The following CNTNAP2 variants were observed in gnomAD, a reference collection of about 807,000 sequenced individuals.
The protein encoded by CNTNAP2 is contactin-associated protein-like 2.
In CNTNAP2, 98 loss-of-function variants were observed where a neutral mutation model predicts 155.2. The ratio of observed to expected loss-of-function variants is 0.63; its 90% confidence interval spans 0.54 to 0.75. CNTNAP2 has a LOEUF of 0.75. Among genes scored for constraint, CNTNAP2 ranks in the 30% least tolerant of loss-of-function variants. CNTNAP2 has a pLI of 0.00. For synonymous variants in CNTNAP2, 651 were observed against 631.2 expected, an observed-to-expected ratio of 1.03 and a Z score of -0.47; for missense variants, 1,727 against 1,688.1, an observed-to-expected ratio of 1.02 and a Z score of -0.40.
At chr7:146,756,362 G>A (rs1459555856) in intron 1 of CNTNAP2, among the ~76,000 whole-genome samples, 1 of 151,878 alleles carries the variant, frequency 6.6e-6, no homozygotes, top group African/African-American at 2.4e-5. Flanking sequence ...CTCTCCATTA[G>A]CATAGTGGTA....
chr7:147,865,851 G>A (rs1327554194), intron 13 of CNTNAP2, among the ~76,000 whole-genome samples: 5 of 152,096 alleles, frequency 3.3e-5, no homozygotes, highest in South Asian at 2.1e-4. Context: ...TATCAATTTT[G>A]TTGATCTTTT....
intron 3 of CNTNAP2, among the ~76,000 whole-genome samples, chr7:146,899,639 C>T (rs1795951963): frequency 1.3e-5 from 2 of 152,110 alleles, no homozygotes; most frequent in Admixed American, 1.3e-4. Flanking sequence ...CTGCTCAAAC[C>T]AATTCCAGAT....
In CNTNAP2 at chr7:146,474,024, G is replaced by A. The variant is rs544513470; in HGVS notation, c.98-300247G>A. Among the ~76,000 whole-genome samples, 10 of 152,212 alleles carry A rather than the reference G, an allele frequency of 6.6e-5. No individual in the cohort carries two copies. In the South Asian group the frequency reaches 2.1e-3, roughly 32 times the overall value. On this transcript the variant is annotated intron_variant, in intron 1 of 23. Coordinates refer to ENST00000361727, the MANE Select transcript of CNTNAP2 (RefSeq NM_014141.6). ...GGATGGCCGAGGTCATTTTAATGTA[G>A]TTGGCTAGTAAAACCCTCTCTACTC...
intron 3 of CNTNAP2, among the ~76,000 whole-genome samples, chr7:146,899,490 C>T (rs1795948799): frequency 7.4e-6 from 1 of 134,774 alleles, no homozygotes; most frequent in Non-Finnish European, 1.7e-5. Context: ...CTTTCACTTT[C>T]CCTGCATGCA....
chr7:148,136,583 C>A (rs560413589), intron 16 of CNTNAP2, among the ~76,000 whole-genome samples: 2 of 152,268 alleles, frequency 1.3e-5, no homozygotes, highest in African/African-American at 4.8e-5. Context: ...CTAAGTATTT[C>A]TTTATAGCAA....
chr7:148,300,406 C>T (rs1162037784), intron 21 of CNTNAP2, among the ~76,000 whole-genome samples: 3 of 152,054 alleles, frequency 2.0e-5, no homozygotes, highest in Non-Finnish European at 4.4e-5. Context: ...ATGTTGATTG[C>T]ATTTGGAGAG....
At chr7:146,755,840 A>G (rs960900926) in intron 1 of CNTNAP2, among the ~76,000 whole-genome samples, 13 of 151,994 alleles carry the variant, frequency 8.6e-5, no homozygotes, top group African/African-American at 2.7e-4. Context: ...ACTGGAGAAG[A>G]AACTCTTGTC....
At chr7:147,058,601 G>GTTTTGT (rs1799606331) in intron 4 of CNTNAP2, among the ~76,000 whole-genome samples, 1 of 145,636 alleles carries the variant, frequency 6.9e-6, no homozygotes, top group African/African-American at 2.4e-5. Context: ...TTGTTCGTTT[G>GTTTTGT]TTTTGTTTTT....
chr7:147,476,073 C>T (rs189089883), intron 10 of CNTNAP2, among the ~76,000 whole-genome samples: 23 of 151,828 alleles, frequency 1.5e-4, no homozygotes, highest in African/African-American at 3.4e-4. Context: ...ATAATATCCC[C>T]GCCTCTGTTT....
intron 2 of CNTNAP2, among the ~76,000 whole-genome samples, chr7:146,809,874 T>C (rs917989072): frequency 1.3e-5 from 2 of 152,196 alleles, no homozygotes; most frequent in African/African-American, 4.8e-5. Context: ...TTGTTTATTT[T>C]TGCTTTTATT....
In CNTNAP2 at chr7:147,220,668, T is replaced by G. The variant is rs181904236; in HGVS notation, c.1349-79473T>G. On this transcript the variant is annotated intron_variant, in intron 8 of 23. Coordinates refer to ENST00000361727, the MANE Select transcript of CNTNAP2 (RefSeq NM_014141.6). ...TGTAGTTTCAATTGAGCATTTTGTA[T>G]GATTACGTGTTCTCTCCTCACTTAG... Among the ~76,000 whole-genome samples, 182 of 152,332 alleles carry G rather than the reference T, an allele frequency of 1.2e-3. 2 individuals are homozygous for G. Among genetic ancestry groups the G allele is most frequent in the African/African-American group, 4.2e-3 (173 of 41,580 alleles).
intron 3 of CNTNAP2, among the ~76,000 whole-genome samples, chr7:147,017,885 G>A (rs913192148): frequency 7.9e-5 from 12 of 151,928 alleles, no homozygotes; most frequent in Non-Finnish European, 1.8e-4. Context: ...ACTTCAATTA[G>A]ATACAAAATT....
chr7:148,122,856 A>C (rs1804627904), intron 16 of CNTNAP2, among the ~76,000 whole-genome samples: 1 of 148,332 alleles, frequency 6.7e-6, no homozygotes, highest in Non-Finnish European at 1.5e-5. Flanking sequence ...AATACATCTC[A>C]AAAAAAAAAG....
chr7:147,802,187 G>C (rs1216516137), intron 13 of CNTNAP2, among the ~76,000 whole-genome samples: 1 of 148,768 alleles, frequency 6.7e-6, no homozygotes, highest in Non-Finnish European at 1.5e-5. Context: ...GGGGCGGCGG[G>C]GCAGAGGTGC....
At chr7:146,384,514 A>G (rs1182737730) in intron 1 of CNTNAP2, among the ~76,000 whole-genome samples, 1 of 152,194 alleles carries the variant, frequency 6.6e-6, no homozygotes, top group East Asian at 1.9e-4. Context: ...TTTTATTTTG[A>G]GCTACCATAT....
At chr7:148,274,595 T>C (rs1796839384) in intron 21 of CNTNAP2, among the ~76,000 whole-genome samples, 1 of 152,138 alleles carries the variant, frequency 6.6e-6, no homozygotes, top group South Asian at 2.1e-4. Context: ...CCCCCAACAC[T>C]CTTCCTCTGG....
intron 3 of CNTNAP2, among the ~76,000 whole-genome samples, chr7:147,036,135 G>A (rs946187024): frequency 1.3e-5 from 2 of 152,176 alleles, no homozygotes; most frequent in Admixed American, 6.5e-5. Flanking sequence ...TTCTTTTAAA[G>A]TTTGTGAGCT....
rs200203663 is a variant in CNTNAP2, at chr7:146,340,289, T to G, written c.97+223316T>G. ...TTTTTTGTTTGTTGTTGTTGTTGTT[T>G]TTTTTTTTTTTTTGGTTAAGCAACT... On this transcript the variant is annotated intron_variant, in intron 1 of 23. Coordinates refer to ENST00000361727, the MANE Select transcript of CNTNAP2 (RefSeq NM_014141.6). Among the ~76,000 whole-genome samples, 476 of 124,364 alleles carry G rather than the reference T, an allele frequency of 3.8e-3. 3 individuals carry two copies. Among genetic ancestry groups the G allele is most frequent in the South Asian group, 9.6e-3 (41 of 4,254 alleles). The allele number at this position is 124,364 out of a possible 152,430, so 81.6% of individuals were successfully genotyped here.
chr7:146,184,915 C>T (rs1337043201), intron 1 of CNTNAP2, among the ~76,000 whole-genome samples: 1 of 152,026 alleles, frequency 6.6e-6, no homozygotes, highest in Admixed American at 6.6e-5. Flanking sequence ...TTCTATTTTA[C>T]AAGTGTCACT....
Sources: gnomAD v4.1 joint callset for allele counts (sites outside exome capture counted in the v4.1 genomes callset) on GRCh38, gnomAD v4.1.1 for gene constraint, MANE v1.5 for transcripts, NCBI Gene and HGNC (gene_info 2026-07-23, HGNC 2026-07-21) for gene names.